The following KIAA0319 variants were observed in gnomAD, a reference collection of about 807,000 sequenced individuals.
KIAA0319 encodes dyslexia-associated protein KIAA0319.
KIAA0319 carries 83 observed loss-of-function variants against 108.4 expected under a neutral mutation model. The ratio of observed to expected loss-of-function variants is 0.77; its 90% CI spans 0.64 to 0.92. The LOEUF is 0.92. Ranked by LOEUF, KIAA0319 falls within the 40% of genes least tolerant of loss-of-function variation. The pLI, the probability that KIAA0319 is intolerant of heterozygous loss-of-function variation, is 0.00. For synonymous variants in KIAA0319, 484 were observed against 510.4 expected (o/e 0.95, Z 0.70); for missense variants, 1,195 against 1,322.4 (o/e 0.90, Z 1.49).
chr6:24,639,839 T>C lies in KIAA0319; in HGVS notation c.-106+5897A>G, dbSNP rs576729393. ...TCCAGTCTGGGTGACAGAGTGAGAC[T>C]CCATCTTAAAAAAAAAAAAAAAAGT... On this transcript the variant is annotated intron_variant, in intron 1 of 20. Transcript: ENST00000378214. Among the ~76,000 whole-genome samples the C allele has an allele frequency of 4.3e-3, 460 of 106,342 alleles. 5 individuals carry two copies. The highest frequency in any genetic ancestry group is 0.018 in the African/African-American group (435 of 24,794). 69.8% of individuals were successfully genotyped at this position (106,342 alleles called of 152,430 possible).
At chr6:24,609,908 C>T (rs1562061791) in intron 1 of KIAA0319, among the ~76,000 whole-genome samples, 5 of 152,096 alleles carry the variant, frequency 3.3e-5, no homozygotes, top group African/African-American at 1.2e-4. Flanking sequence ...AATTTTACCC[C>T]TACCACACAA....
intron 15 of KIAA0319, 71 bp from the exon 16 acceptor site, chr6:24,563,589 T>G: frequency 7.0e-7 from 1 of 1,427,672 alleles, no homozygotes; most frequent in Non-Finnish European, 9.3e-7. Flanking sequence ...GGAGCGAGGT[T>G]TCTATAGGAG....
chr6:24,631,934 T>C (rs930910219), intron 1 of KIAA0319, among the ~76,000 whole-genome samples: 5 of 152,224 alleles, frequency 3.3e-5, no homozygotes, highest in Middle Eastern at 3.2e-3. Flanking sequence ...TAAATCTGCT[T>C]TGTGCCAAAT....
intron 19 of KIAA0319, among the ~76,000 whole-genome samples, chr6:24,552,130 T>C (rs1479920041): frequency 1.3e-5 from 2 of 151,356 alleles, no homozygotes; most frequent in African/African-American, 2.4e-5. Flanking sequence ...GAGAACAAAA[T>C]AGTAATTTCA....
In KIAA0319 at chr6:24,565,905, A is replaced by G. The variant is rs374770771; in HGVS notation, c.2292+692T>C. Among the ~76,000 whole-genome samples the G allele has an allele frequency of 1.2e-4, 18 of 152,326 alleles. No individual in the cohort carries two copies. In the South Asian group the frequency reaches 2.3e-3, roughly 19 times the overall value. ...CATCTGGTACAATATGAGGAACAGAAAAGAATCCACTTGGACCAAAATACG... is the reference window on the plus strand; with the variant it reads ...CATCTGGTACAATATGAGGAACAGAGAAGAATCCACTTGGACCAAAATACG... On this transcript the variant is annotated intron_variant, in intron 14 of 20. Coordinates refer to ENST00000378214, the MANE Select transcript of KIAA0319 (RefSeq NM_014809.4).
chr6:24,551,202 G>A (rs1399682676), intron 20 of KIAA0319, among the ~76,000 whole-genome samples: 1 of 151,780 alleles, frequency 6.6e-6, no homozygotes, highest in Non-Finnish European at 1.5e-5. Flanking sequence ...GCCCAGGGTG[G>A]TCTCGAACTA....
intron 1 of KIAA0319, among the ~76,000 whole-genome samples, chr6:24,612,059 A>G (rs79987653): frequency 1.3e-5 from 2 of 151,594 alleles, no homozygotes; most frequent in African/African-American, 4.9e-5. Flanking sequence ...AAAAAAAAAA[A>G]AAGAAAAGAA....
intron 1 of KIAA0319, among the ~76,000 whole-genome samples, chr6:24,614,515 G>A (rs1772865011): frequency 6.6e-6 from 1 of 151,906 alleles, no homozygotes; most frequent in Admixed American, 6.6e-5. Context: ...ATTCCATAAT[G>A]TTCCTGGCAT....
intron 14 of KIAA0319, among the ~76,000 whole-genome samples, chr6:24,565,152 C>A (rs1171906091): frequency 6.6e-6 from 1 of 151,886 alleles, no homozygotes; most frequent in Non-Finnish European, 1.5e-5. Flanking sequence ...ACTCGGGAGG[C>A]TGAGGCAGGA....
chr6:24,572,999 T>C (rs2127465040), intron 10 of KIAA0319, among the ~76,000 whole-genome samples: 1 of 152,214 alleles, frequency 6.6e-6, no homozygotes, highest in Middle Eastern at 3.4e-3. Context: ...CGGGCACCTG[T>C]AATCCCAGCT....
intron 16 of KIAA0319, among the ~76,000 whole-genome samples, chr6:24,561,078 T>C (rs960436632): frequency 6.6e-6 from 1 of 152,258 alleles, no homozygotes; most frequent in Non-Finnish European, 1.5e-5. Flanking sequence ...ACACTTGCAT[T>C]CCTGGGATAA....
At chr6:24,576,335 G>A (rs201531665) in intron 10 of KIAA0319, 33 bp downstream of exon 10, 316 of 1,558,906 alleles carry the variant, frequency 2.0e-4, no homozygotes, top group Middle Eastern at 8.6e-4. Context: ...CAGACAGACA[G>A]ACAAAAGTCT....
chr6:24,553,335 A>ACACACACACG (rs1215978157), intron 19 of KIAA0319, among the ~76,000 whole-genome samples: 3 of 83,774 alleles, frequency 3.6e-5, no homozygotes, highest in Non-Finnish European at 8.3e-5. Context: ...ACACACACAC[A>ACACACACACG]CGCACATATA....
In KIAA0319 at chr6:24,599,052, G is replaced by A. The variant is rs1038439456; in HGVS notation, c.55+1997C>T. 8 of 746,048 alleles carry A rather than the reference G, an allele frequency of 1.1e-5. No homozygotes were observed. The African/African-American group carries it at 1.4e-4, about 13-fold the overall frequency. 46.2% of individuals were successfully genotyped at this position (746,048 alleles called of 1,614,324 possible). ...GCAGCTGTATGAAGAGGAGATCCAG[G>A]AGCTGCAGTCCCAGATCTGGGACAC... On this transcript the variant is annotated intron_variant, in intron 2 of 20. Transcript: ENST00000378214. The surrounding 1 kb of genome is among the most constrained non-coding windows in gnomAD (Gnocchi z 4.1).
At chr6:24,603,461 G>A (rs1050320947) in intron 1 of KIAA0319, among the ~76,000 whole-genome samples, 1 of 152,206 alleles carries the variant, frequency 6.6e-6, no homozygotes, top group Non-Finnish European at 1.5e-5. Flanking sequence ...CCCACTGTGA[G>A]TTGCAAGATG....
chr6:24,583,024 A>C, intron 5 of KIAA0319: 2 of 965,052 alleles, frequency 2.1e-6, no homozygotes, highest in Non-Finnish European at 2.5e-6. Flanking sequence ...AACTAACCTG[A>C]ATGAGAAATA....
chr6:24,638,098 G>A (rs1776432375), intron 1 of KIAA0319, among the ~76,000 whole-genome samples: 1 of 152,154 alleles, frequency 6.6e-6, no homozygotes, highest in Non-Finnish European at 1.5e-5. Context: ...AGAGGTGGCA[G>A]ATGAAACAAA....
At chr6:24,597,917 CAAAAAAAAAAAAAAAAA>C (rs540860751) in intron 2 of KIAA0319, 11 of 32,454 alleles carry the variant, frequency 3.4e-4, no homozygotes, top group Non-Finnish European at 5.1e-4. Context: ...GACCCTATCT[CAAAAAAAAAAAAAAAAA>C]AAAAAAAAAA....
chr6:24,582,724 A>C (rs1357502261), intron 5 of KIAA0319, among the ~76,000 whole-genome samples: 4 of 151,340 alleles, frequency 2.6e-5, no homozygotes, highest in Non-Finnish European at 5.9e-5. Context: ...AGGGGGCTAC[A>C]TCTGACTATC....
Sources: allele counts gnomAD v4.1 joint callset (sites outside exome capture counted in the v4.1 genomes callset), GRCh38; gene constraint gnomAD v4.1.1; non-coding constraint Gnocchi (gnomAD v3.1); transcripts MANE v1.5; gene names NCBI Gene and HGNC (gene_info 2026-07-23, HGNC 2026-07-21).